IGSF21: variants seen among roughly 807,000 people sequenced by gnomAD.
IGSF21 encodes the protein immunoglobin superfamily member 21.
Under a neutral mutation model 46.8 loss-of-function variants are expected in IGSF21, and 28 were observed. That is an observed-to-expected ratio of 0.60 (90% confidence interval 0.44 to 0.82). The LOEUF (loss-of-function observed/expected upper bound fraction) is 0.82. IGSF21 is among the 40% of genes least tolerant of loss of function. The pLI, the probability that IGSF21 is intolerant of heterozygous loss-of-function variation, is 0.00. For synonymous variants in IGSF21, 284 were observed against 273.6 expected (o/e 1.04, Z -0.38); for missense variants, 624 against 665.5 (o/e 0.94, Z 0.69).
chr1:18,316,007 A>G (rs1047357474), intron 3 of IGSF21, among the ~76,000 whole-genome samples: 2 of 152,152 alleles, frequency 1.3e-5, no homozygotes, highest in African/African-American at 4.8e-5. Context: ...GGTTGGAAAC[A>G]CAAAGCCCCG....
intron 1 of IGSF21, among the ~76,000 whole-genome samples, chr1:18,214,468 C>A (rs929557147): frequency 6.6e-6 from 1 of 152,138 alleles, no homozygotes; most frequent in African/African-American, 2.4e-5. Flanking sequence ...AAGTATCCAG[C>A]CGCAGCAAAA....
intron 2 of IGSF21, among the ~76,000 whole-genome samples, chr1:18,265,484 C>T (rs1447458677): frequency 1.3e-5 from 2 of 152,214 alleles, no homozygotes; most frequent in East Asian, 1.9e-4. Flanking sequence ...GTTCATGCAG[C>T]GGCCTCCTCA....
rs527867896 is a variant in IGSF21, at chr1:18,229,028, A to G, written c.183+1018A>G. On this transcript the variant is annotated intron_variant, in intron 2 of 9. Transcript: ENST00000251296. ...CTTTTTATTTTTTTTCAATGATTAA[A>G]AAAGGTAAAAACTGTTCTTAGCTCG... Among the ~76,000 whole-genome samples the G allele has an allele frequency of 2.6e-5, 4 of 152,334 alleles. No individual in the cohort carries two copies. In the East Asian group the frequency reaches 7.7e-4, roughly 29 times the overall value.
Position 18,284,571 on chromosome 1 carries a change from G to A in IGSF21, c.184-7295G>A, listed in dbSNP as rs544424280. Among the ~76,000 whole-genome samples, 4 of 152,340 alleles carry A rather than the reference G, an allele frequency of 2.6e-5. No homozygotes were observed. The East Asian group carries it at 7.7e-4, about 29-fold the overall frequency. Reference sequence around the variant, plus strand: ...TTAGTATTTCTCACAACTCTGGGGTGTGAGTTTGTTTAATATCCCTCGCGT... The same window carrying A: ...TTAGTATTTCTCACAACTCTGGGGTATGAGTTTGTTTAATATCCCTCGCGT... On this transcript the variant is annotated intron_variant, in intron 2 of 9. Transcript: ENST00000251296.
intron 4 of IGSF21, among the ~76,000 whole-genome samples, chr1:18,338,015 A>T (rs993315730): frequency 6.6e-6 from 1 of 152,066 alleles, no homozygotes; most frequent in Non-Finnish European, 1.5e-5. Flanking sequence ...TGTTTCTCAT[A>T]CAGCATCTCC....
chr1:18,237,411 T>G (rs1393517574), intron 2 of IGSF21, among the ~76,000 whole-genome samples: 1 of 152,172 alleles, frequency 6.6e-6, no homozygotes, highest in African/African-American at 2.4e-5. Context: ...TAAGTTCTGT[T>G]TCATCACCTG....
intron 2 of IGSF21, among the ~76,000 whole-genome samples, chr1:18,267,076 G>T (rs1240764995): frequency 6.6e-6 from 1 of 152,234 alleles, no homozygotes; most frequent in African/African-American, 2.4e-5. Context: ...TGGCTGTGGA[G>T]AGCTGTATGT....
chr1:18,120,330 C>T (rs369222360), intron 1 of IGSF21, among the ~76,000 whole-genome samples: 1 of 152,126 alleles, frequency 6.6e-6, no homozygotes. Flanking sequence ...CTCTTGGGGG[C>T]CTGGCAGGAA....
chr1:18,372,852 G>A (rs2086241840), intron 6 of IGSF21, among the ~76,000 whole-genome samples: 1 of 90,628 alleles, frequency 1.1e-5, no homozygotes, highest in Non-Finnish European at 2.0e-5. Flanking sequence ...ATGGATGGAT[G>A]GATGGATGGA....
intron 1 of IGSF21, chr1:18,112,147 T>C (rs1168142920): frequency 6.6e-6 from 1 of 152,214 alleles, no homozygotes; most frequent in Non-Finnish European, 1.5e-5. Flanking sequence ...TAACTGGGTT[T>C]CCTGGGATCT....
chr1:18,299,686 CT>C (rs921104785), intron 3 of IGSF21, among the ~76,000 whole-genome samples: 1 of 152,212 alleles, frequency 6.6e-6, no homozygotes, highest in African/African-American at 2.4e-5. Context: ...AGTTCCTGAC[CT>C]GCTGGAAACC....
At chr1:18,266,815 C>T (rs115148892) in intron 2 of IGSF21, among the ~76,000 whole-genome samples, 1 of 152,136 alleles carries the variant, frequency 6.6e-6, no homozygotes. Flanking sequence ...GACACAGGGG[C>T]CTTCACAGCC....
At chr1:18,366,145 TGA>T (rs1436840284) in intron 6 of IGSF21, among the ~76,000 whole-genome samples, 1 of 151,922 alleles carries the variant, frequency 6.6e-6, no homozygotes. Context: ...GTCAGCAACA[TGA>T]GAGGTCAGGG....
intron 1 of IGSF21, among the ~76,000 whole-genome samples, chr1:18,175,394 A>C (rs1315934420): frequency 6.6e-6 from 1 of 152,206 alleles, no homozygotes; most frequent in Non-Finnish European, 1.5e-5. Context: ...GCGGGGAGTG[A>C]ACTGCAGAGT....
chr1:18,266,798 A>C (rs1238802577), intron 2 of IGSF21, among the ~76,000 whole-genome samples: 2 of 152,198 alleles, frequency 1.3e-5, no homozygotes, highest in Non-Finnish European at 2.9e-5. Context: ...TTTGCAATTC[A>C]CTACGTGACA....
At position 18,365,250 on chromosome 1, in the gene IGSF21, A is replaced by G. The variant is rs768697477; in HGVS notation, c.568A>G (p.Ile190Val). The G allele has an allele frequency of 5.0e-6, 8 of 1,607,198 alleles. No homozygotes were observed. In the South Asian group the frequency reaches 7.7e-5, roughly 16 times the overall value. The stretch of plus-strand genomic sequence containing the variant: ...TTATTTCAAACGAGATGGGGAACCA[A>G]TCGACGCAGTGCCCCTATCAGAGCC... Reference protein sequence around the residue: ...MVYFKRDGEPIDAVPLSEPPA... With the variant: ...MVYFKRDGEPVDAVPLSEPPA... The change falls in exon 6 of 10, where the codon ATC (isoleucine) becomes GTC (valine). Residue 190 changes from isoleucine to valine, a missense_variant. By Grantham distance (29) the Ile-to-Val change is conservative. Transcript: ENST00000251296. This position sits in a 1 kb window ranked among gnomAD's most constrained non-coding sequence, Gnocchi z 4.8.
chr1:18,302,383 A>G (rs115882766), intron 3 of IGSF21, among the ~76,000 whole-genome samples: 29 of 152,142 alleles, frequency 1.9e-4, no homozygotes, highest in Non-Finnish European at 3.5e-4. Context: ...ATTCTTCTCC[A>G]TGGCTCCTAC....
chr1:18,348,548 G>A (rs1327601855), intron 4 of IGSF21, among the ~76,000 whole-genome samples: 2 of 152,204 alleles, frequency 1.3e-5, no homozygotes, highest in African/African-American at 4.8e-5. Flanking sequence ...CCCTGGAACA[G>A]GCCCTTTAAT....
At chr1:18,268,066 G>T (rs2085006919) in intron 2 of IGSF21, among the ~76,000 whole-genome samples, 1 of 152,238 alleles carries the variant, frequency 6.6e-6, no homozygotes, top group African/African-American at 2.4e-5. Context: ...GCCCAGAACT[G>T]TGCCTGGCAC....
Sources: allele counts gnomAD v4.1 joint callset (sites outside exome capture counted in the v4.1 genomes callset), GRCh38; gene constraint gnomAD v4.1.1; non-coding constraint Gnocchi (gnomAD v3.1); transcripts MANE v1.5; gene names NCBI Gene and HGNC (gene_info 2026-07-23, HGNC 2026-07-21).